Variants in SOX6 observed in about 807,000 individuals in gnomAD.
SOX6 encodes the protein SRY-box transcription factor 6, also known as transcription factor SOX-6.
A neutral mutation model predicts 97.8 loss-of-function variants in SOX6; 11 were observed. That is an observed-to-expected ratio of 0.11 (90% CI 0.07 to 0.19). The LOEUF (loss-of-function observed/expected upper bound fraction) is 0.19, where lower values mean the gene tolerates loss of function less well. SOX6 is among the 10% of genes least tolerant of loss of function. SOX6 has a pLI of 1.00. For synonymous variants in SOX6, 360 were observed against 371.4 expected (o/e 0.97, Z 0.35); for missense variants, 810 against 1,039.5 (o/e 0.78, Z 3.04).
At chr11:16,171,640 G>A (rs1851041951) in intron 6 of SOX6, among the ~76,000 whole-genome samples, 1 of 151,678 alleles carries the variant, frequency 6.6e-6, no homozygotes, top group African/African-American at 2.4e-5. Flanking sequence ...AATAACCCTT[G>A]AAAAAATAAA....
chr11:16,551,647 A>G (rs1182484482), intron 4 of SOX6, among the ~76,000 whole-genome samples: 10 of 152,134 alleles, frequency 6.6e-5, no homozygotes, highest in Admixed American at 6.5e-4. Context: ...TCTGTCACCC[A>G]GGCTGGAGTA....
At chr11:15,991,978 C>T (rs1444488781) in intron 13 of SOX6, among the ~76,000 whole-genome samples, 1 of 152,180 alleles carries the variant, frequency 6.6e-6, no homozygotes, top group Non-Finnish European at 1.5e-5. Context: ...CTGCACTGAC[C>T]TTTTCCTTTC....
chr11:16,184,418 C>T (rs757797988), intron 5 of SOX6, among the ~76,000 whole-genome samples: 31 of 152,142 alleles, frequency 2.0e-4, no homozygotes, highest in South Asian at 1.0e-3. Flanking sequence ...GATACATTTA[C>T]AAATATTGTT....
intron 4 of SOX6, among the ~76,000 whole-genome samples, chr11:16,596,388 A>G (rs11023992): frequency 0.24 from 37,041 of 152,136 alleles, 4,804 homozygotes; most frequent in Middle Eastern, 0.31. Flanking sequence ...TTATGTCCAT[A>G]TCACATTCAT....
rs1293002503 is a variant in SOX6, at chr11:16,650,802, A to T, written n.430-38542T>A. Among the ~76,000 whole-genome samples, 6 of 8,412 alleles carry T rather than the reference A, an allele frequency of 7.1e-4. No homozygotes were observed. The South Asian group carries it at 0.023, about 32-fold the overall frequency. The allele number at this position is 8,412 out of a possible 152,430, so 5.5% of individuals were successfully genotyped here. On this transcript the variant is annotated intron_variant and non_coding_transcript_variant, in intron 3 of 5. Coordinates refer to the SOX6 transcript ENST00000524520. Reference sequence around the variant, plus strand: ...GCAGAACTAAATGAAATTGAAACAGAAAAAAAAAATACAAAAGATAAATGA... The same window carrying T: ...GCAGAACTAAATGAAATTGAAACAGTAAAAAAAAATACAAAAGATAAATGA...
At chr11:16,659,072 G>T (rs1305884903) in intron 3 of SOX6, among the ~76,000 whole-genome samples, 1 of 151,968 alleles carries the variant, frequency 6.6e-6, no homozygotes, top group Non-Finnish European at 1.5e-5. Flanking sequence ...TTCCTCTCAT[G>T]GACTCTGCTT....
At chr11:16,009,272 A>G (rs78458758) in intron 13 of SOX6, among the ~76,000 whole-genome samples, 167 of 152,152 alleles carry the variant, frequency 1.1e-3, no homozygotes, top group African/African-American at 3.8e-3. Flanking sequence ...CTTGAAGGTG[A>G]ATGGTTTCAA....
At chr11:16,022,495 TC>T (rs1460116381) in intron 12 of SOX6, among the ~76,000 whole-genome samples, 1 of 151,558 alleles carries the variant, frequency 6.6e-6, no homozygotes, top group Non-Finnish European at 1.5e-5. Flanking sequence ...CACTGCAACC[TC>T]TGCCTCCCAG....
chr11:16,410,759 C>CAAAAA (rs71044100), intron 1 of SOX6, among the ~76,000 whole-genome samples: 3 of 64,346 alleles, frequency 4.7e-5, no homozygotes, highest in Admixed American at 3.8e-4. Context: ...AACCGGTCTC[C>CAAAAA]AAAAAAAAAA....
chr11:16,029,763 G>A (rs1019294114), intron 12 of SOX6, among the ~76,000 whole-genome samples: 4 of 152,078 alleles, frequency 2.6e-5, no homozygotes, highest in African/African-American at 4.8e-5. Flanking sequence ...ATAATTAGCC[G>A]TTTTTAAATC....
At chr11:15,990,803 A>G (rs1854026651) in intron 13 of SOX6, among the ~76,000 whole-genome samples, 1 of 152,218 alleles carries the variant, frequency 6.6e-6, no homozygotes, top group South Asian at 2.1e-4. Flanking sequence ...CATTAAAACC[A>G]ACATTTCTAT....
chr11:16,016,749 T>G (rs1390849533), intron 12 of SOX6, among the ~76,000 whole-genome samples: 1 of 152,092 alleles, frequency 6.6e-6, no homozygotes, highest in Non-Finnish European at 1.5e-5. Context: ...AAGCAAAATA[T>G]TCAACCTTTG....
chr11:16,715,122 C>G (rs11024022), intron 2 of SOX6, among the ~76,000 whole-genome samples: 1 of 152,160 alleles, frequency 6.6e-6, no homozygotes, highest in African/African-American at 2.4e-5. Flanking sequence ...CACTGTCCAA[C>G]GGGATAGCCA....
At chr11:16,615,742 T>G (rs1266961316) in intron 3 of SOX6, among the ~76,000 whole-genome samples, 1 of 152,230 alleles carries the variant, frequency 6.6e-6, no homozygotes, top group Non-Finnish European at 1.5e-5. Context: ...AATATATCTA[T>G]TTATTAAGGT....
At chr11:16,090,812 C>A (rs1250294674) in intron 9 of SOX6, among the ~76,000 whole-genome samples, 1 of 151,958 alleles carries the variant, frequency 6.6e-6, no homozygotes, top group African/African-American at 2.4e-5. Context: ...GTTAGACCCA[C>A]CCATCAGAAG....
intron 13 of SOX6, among the ~76,000 whole-genome samples, chr11:15,998,633 T>C (rs1411880569): frequency 2.6e-5 from 4 of 151,716 alleles, no homozygotes; most frequent in Admixed American, 1.3e-4. Context: ...TTGAAGAAAA[T>C]TAGAGGATTC....
intron 1 of SOX6, among the ~76,000 whole-genome samples, chr11:16,466,572 A>G (rs1039302074): frequency 6.6e-6 from 1 of 151,904 alleles, no homozygotes; most frequent in Non-Finnish European, 1.5e-5. Flanking sequence ...AAAACTATAC[A>G]TCTGATAAAG....
At position 16,348,490 on chromosome 11, in the gene SOX6, C is replaced by T. The variant is rs139218387; in HGVS notation, c.-4-7238G>A. Among the ~76,000 whole-genome samples, 365 of 152,142 alleles carry T rather than the reference C, an allele frequency of 2.4e-3. 1 individual carries two copies. The highest frequency in any genetic ancestry group is 7.7e-3 in the African/African-American group (319 of 41,520). On this transcript the variant is annotated intron_variant, in intron 1 of 15. Transcript: ENST00000683767. ...AAGGAGTGCATTTTAATCCTGAAGG[C>T]TATGATGCAATCTTCATGTTATTTA... is the stretch of plus-strand genomic sequence containing the variant.
intron 1 of SOX6, among the ~76,000 whole-genome samples, chr11:16,345,932 T>C (rs576328454): frequency 1.3e-5 from 2 of 152,186 alleles, no homozygotes; most frequent in African/African-American, 2.4e-5. Context: ...GAATTCATCA[T>C]AGCAATATAT....
Sources: gnomAD v4.1 joint callset for allele counts (sites outside exome capture counted in the v4.1 genomes callset) on GRCh38, gnomAD v4.1.1 for gene constraint, MANE v1.5 for transcripts, NCBI Gene and HGNC (gene_info 2026-07-23, HGNC 2026-07-21) for gene names.